The following SKI variants were observed in gnomAD, a reference collection of about 807,000 sequenced individuals.
SKI encodes the protein ski oncogene.
A neutral mutation model predicts 59.3 loss-of-function variants in SKI; 23 were observed. That is an observed-to-expected ratio of 0.39 (90% CI 0.28 to 0.55). The LOEUF is 0.55. Ranked by LOEUF, SKI falls within the 20% of genes least tolerant of loss-of-function variation. The probability of loss-of-function intolerance (pLI) is 0.67; values close to 1 mark genes in which losing one functional copy is unlikely to be tolerated. For missense variants in SKI, 1,017 were observed against 1,038.9 expected (o/e 0.98, Z 0.29); for synonymous variants, 673 against 488.6 (o/e 1.38, Z -4.98).
chr1:2,262,700 G>A (rs1442006764), intron 1 of SKI, among the ~76,000 whole-genome samples: 1 of 152,184 alleles, frequency 6.6e-6, no homozygotes, highest in Non-Finnish European at 1.5e-5. Flanking sequence ...GTTTGATCAG[G>A]AAGGATATTG....
chr1:2,284,008 A>C (rs2100879651), intron 1 of SKI, among the ~76,000 whole-genome samples: 1 of 152,228 alleles, frequency 6.6e-6, no homozygotes, highest in Admixed American at 6.5e-5. Flanking sequence ...TAGCAGGTGC[A>C]GTGCCCGTGC....
chr1:2,305,509 T>C (rs1640547679), intron 5 of SKI, among the ~76,000 whole-genome samples: 1 of 152,162 alleles, frequency 6.6e-6, no homozygotes, highest in Non-Finnish European at 1.5e-5. Flanking sequence ...AGGTGTGATT[T>C]CCCACATACA....
intron 1 of SKI, among the ~76,000 whole-genome samples, chr1:2,254,046 C>T (rs777997650): frequency 2.0e-5 from 3 of 152,238 alleles, no homozygotes; most frequent in East Asian, 1.9e-4. Flanking sequence ...GATGCTTGTC[C>T]GGAGCTGCCT....
At chr1:2,230,199 G>GCTGC (rs1638602151) in intron 1 of SKI, among the ~76,000 whole-genome samples, 1 of 152,228 alleles carries the variant, frequency 6.6e-6, no homozygotes. Context: ...AAGACGGAGG[G>GCTGC]CTGCCTGCCT....
At chr1:2,243,902 TTTCC>T (rs1257566733) in intron 1 of SKI, among the ~76,000 whole-genome samples, 2 of 152,204 alleles carry the variant, frequency 1.3e-5, no homozygotes, top group Non-Finnish European at 2.9e-5. Context: ...TTTCTGATCA[TTTCC>T]TTAGTGGACT....
In SKI at chr1:2,268,931, CT is replaced by C. The variant is rs1289575344; in HGVS notation, c.970-34044del. 6.7e-6 allele frequency among the ~76,000 whole-genome samples: 1 copy of C among 150,178 alleles called. No homozygotes were observed. The highest frequency in any genetic ancestry group is 2.4e-5 in the African/African-American group (1 of 40,842). On this transcript the variant is annotated intron_variant, in intron 1 of 6. Coordinates refer to ENST00000378536, the MANE Select transcript of SKI (RefSeq NM_003036.4). The surrounding 1 kb of genome is among the most constrained non-coding windows in gnomAD (Gnocchi z 5.0). ...ATTTCCCTTTTCCCTCCCTCCCTCTCTTTCCTTCTCTCCTTCTCTCCCTCTT... is the reference window on the plus strand; with the variant it reads ...ATTTCCCTTTTCCCTCCCTCCCTCTCTTCCTTCTCTCCTTCTCTCCCTCTT...
At chr1:2,230,704 A>C (rs560554887) in intron 1 of SKI, among the ~76,000 whole-genome samples, 1 of 152,262 alleles carries the variant, frequency 6.6e-6, no homozygotes, top group South Asian at 2.1e-4. Flanking sequence ...GTACCTCCCC[A>C]AGTATTTGTA....
Position 2,229,198 on chromosome 1 carries a change from C to T in SKI, c.432C>T (p.Asp144=), listed in dbSNP as rs1476776273. The change falls in exon 1 of 7, where the codon GAC becomes GAT. Residue 144 remains aspartate (D), a synonymous_variant. Transcript: ENST00000378536. This position sits in a 1 kb window ranked among gnomAD's most constrained non-coding sequence, Gnocchi z 6.3. ...TGCAGCAGATCAACGCGGTGTGCGA[C>T]GAGCTCCACATCTACTGCTCGCGCT... ...FSLQQINAVC[D]ELHIYCSRCT... is the part of the protein sequence containing the mutation. The T allele has an allele frequency of 3.7e-6, 6 of 1,610,486 alleles. No homozygotes were observed. Among genetic ancestry groups the T allele is most frequent in the Admixed American group, 1.7e-5 (1 of 59,744 alleles).
In SKI at chr1:2,271,855, C is replaced by T. The variant is rs980866141; in HGVS notation, c.970-31123C>T. Among the ~76,000 whole-genome samples, 14 of 152,364 alleles carry T rather than the reference C, an allele frequency of 9.2e-5. No individual in the cohort carries two copies. In the East Asian group the frequency reaches 2.7e-3, roughly 29 times the overall value. On this transcript the variant is annotated intron_variant, in intron 1 of 6. Transcript: ENST00000378536. ...ATTGTGCGATGGCCCCAGAGGTTGA[C>T]ATCCTGGGGAGGATTGGCTGGTGAT...
chr1:2,309,864 C>T lies in SKI; in HGVS notation c.*3099C>T, dbSNP rs1380374224. On this transcript the variant is annotated 3_prime_UTR_variant, in exon 7 of 7. Coordinates refer to ENST00000378536, the MANE Select transcript of SKI (RefSeq NM_003036.4). ...TCCCTGTGGGTCCGAACCCCGGCCC[C>T]CCCACCCCTCCCTCAGCCCACCAGG... 3 of 107,636 alleles carry T rather than the reference C, an allele frequency of 2.8e-5. No individual in the cohort carries two copies. The highest frequency in any genetic ancestry group is 7.4e-4 in the South Asian group (2 of 2,718). 6.7% of individuals were successfully genotyped at this position (107,636 alleles called of 1,614,324 possible).
rs893484833 is a variant in SKI at position 2,309,530 on chromosome 1, TGA to T, written c.*2769_*2770del. 6.6e-6 allele frequency: 1 copy of T among 152,076 alleles called. No individual in the cohort carries two copies. The highest frequency in any genetic ancestry group is 2.1e-4 in the South Asian group (1 of 4,828). The allele number at this position is 152,076 out of a possible 1,614,324, so 9.4% of individuals were successfully genotyped here. Reference sequence around the variant, plus strand: ...CTTTTTCAGAAACTCTTTTCTTACCTGAGAGTTGTCTTGTTTTCTGGGCTGTT... The same window carrying T: ...CTTTTTCAGAAACTCTTTTCTTACCTGAGTTGTCTTGTTTTCTGGGCTGTT... On this transcript the variant is annotated 3_prime_UTR_variant, in exon 7 of 7. Transcript: ENST00000378536.
In SKI at chr1:2,267,192, G is replaced by C. The variant is rs2100847558; in HGVS notation, c.970-35786G>C. On this transcript the variant is annotated intron_variant, in intron 1 of 6. Coordinates refer to ENST00000378536, the MANE Select transcript of SKI (RefSeq NM_003036.4). This position sits in a 1 kb window ranked among gnomAD's most constrained non-coding sequence, Gnocchi z 4.1. ...ATCGAGCCAGCACTGAACTGGTTTTGTAACAAGCTTGGTGTCCATATCGCT... is the reference window on the plus strand; with the variant it reads ...ATCGAGCCAGCACTGAACTGGTTTTCTAACAAGCTTGGTGTCCATATCGCT... 6.6e-6 allele frequency among the ~76,000 whole-genome samples: 1 copy of C among 152,296 alleles called. No individual in the cohort carries two copies. Among genetic ancestry groups the C allele is most frequent in the Middle Eastern group, 3.4e-3 (1 of 294 alleles).
intron 1 of SKI, chr1:2,240,715 A>C: frequency 1.0e-6 from 1 of 985,478 alleles, no homozygotes; most frequent in Non-Finnish European, 1.2e-6. Context: ...TTCTAGATCC[A>C]GGAGAGCGGT....
chr1:2,240,556 G>A lies in SKI; in HGVS notation c.969+10821G>A, dbSNP rs927272710. ...GCGGGACTGGGACCGCTGGCTTCCT[G>A]GGGCCATCGAGGCTCCCAGAAGAAG... is the stretch of plus-strand genomic sequence containing the variant. On this transcript the variant is annotated intron_variant, in intron 1 of 6. Transcript: ENST00000378536. 6.1e-6 allele frequency: 6 copies of A among 985,338 alleles called. No individual in the cohort carries two copies. In the African/African-American group the frequency reaches 1.0e-4, roughly 17 times the overall value. The allele number at this position is 985,338 out of a possible 1,614,324, so 61.0% of individuals were successfully genotyped here. A position where few individuals can be genotyped will look rare whatever the true frequency, so the allele number is the denominator to read the frequency against.
At chr1:2,246,708 A>G (rs1639004719) in intron 1 of SKI, among the ~76,000 whole-genome samples, 1 of 152,152 alleles carries the variant, frequency 6.6e-6, no homozygotes, top group Non-Finnish European at 1.5e-5. Context: ...AAGAGATGAC[A>G]GTGACCTGCT....
At chr1:2,287,986 C>T (rs1640079993) in intron 1 of SKI, among the ~76,000 whole-genome samples, 1 of 147,564 alleles carries the variant, frequency 6.8e-6, no homozygotes, top group Non-Finnish European at 1.5e-5. Flanking sequence ...TCTTTTCTTT[C>T]TTTTTTTTTT....
chr1:2,246,476 C>T (rs967361378), intron 1 of SKI, among the ~76,000 whole-genome samples: 7 of 152,128 alleles, frequency 4.6e-5, no homozygotes, highest in African/African-American at 7.2e-5. Flanking sequence ...GCACCGTGGT[C>T]GGATCCTGCC....
intron 1 of SKI, among the ~76,000 whole-genome samples, chr1:2,286,386 T>C (rs770130843): frequency 6.6e-6 from 1 of 152,070 alleles, no homozygotes; most frequent in Admixed American, 6.5e-5. Flanking sequence ...CCAGCTACTC[T>C]AGAGGCTGAG....
chr1:2,254,486 A>T (rs910662265), intron 1 of SKI, among the ~76,000 whole-genome samples: 3 of 152,188 alleles, frequency 2.0e-5, no homozygotes, highest in African/African-American at 7.2e-5. Flanking sequence ...TTAGATGTCT[A>T]CTGGACTGCT....
Sources: allele counts gnomAD v4.1 joint callset (sites outside exome capture counted in the v4.1 genomes callset), GRCh38; gene constraint gnomAD v4.1.1; non-coding constraint Gnocchi (gnomAD v3.1); transcripts MANE v1.5; gene names NCBI Gene and HGNC (gene_info 2026-07-23, HGNC 2026-07-21).